Variants in PLPP1 observed in about 807,000 individuals in gnomAD.
PLPP1 encodes phospholipid phosphatase 1.
Under a neutral mutation model 31.2 loss-of-function variants are expected in PLPP1, and 24 were observed. The observed-to-expected ratio is 0.77, with a 90% CI of 0.56 to 1.08. PLPP1 has a LOEUF of 1.08. Among genes scored for constraint, PLPP1 ranks in the 50% least tolerant of loss-of-function variants. The pLI, the probability that PLPP1 is intolerant of heterozygous loss-of-function variation, is 0.00. For synonymous variants in PLPP1, 146 were observed against 126.3 expected, an observed-to-expected ratio of 1.16 and a Z score of -1.05; for missense variants, 319 against 342.7, an observed-to-expected ratio of 0.93 and a Z score of 0.55.
intron 1 of PLPP1, chr5:55,484,440 T>C (rs1026216197): frequency 6.6e-6 from 1 of 152,098 alleles, no homozygotes; most frequent in Non-Finnish European, 1.5e-5. Flanking sequence ...AAACCCATAT[T>C]AGATGGAAAG....
intron 3 of PLPP1, among the ~76,000 whole-genome samples, chr5:55,446,603 C>CTA (rs927376126): frequency 6.6e-6 from 1 of 152,186 alleles, no homozygotes; most frequent in Non-Finnish European, 1.5e-5. Context: ...CATTAGGACT[C>CTA]TATCTGAGGG....
At chr5:55,467,740 G>T in intron 3 of PLPP1, 129 bp downstream of exon 3, 2 of 1,020,220 alleles carry the variant, frequency 2.0e-6, no homozygotes, top group Non-Finnish European at 1.4e-6. Flanking sequence ...ATTCATACAA[G>T]ATCAAAATTC....
rs544817462 is a variant in PLPP1 at position 55,437,137 on chromosome 5, T to C, written c.549+4714A>G. On this transcript the variant is annotated intron_variant, in intron 4 of 5. Coordinates refer to ENST00000307259, the MANE Select transcript of PLPP1 (RefSeq NM_003711.4). ...CCACCCAGTCTGCTGCAATTGGTTA[T>C]AGCAGCCCAAACTAAGACAGGAAGG... is the stretch of plus-strand genomic sequence containing the variant. 2.6e-5 allele frequency among the ~76,000 whole-genome samples: 4 copies of C among 152,348 alleles called. No homozygotes were observed. In the South Asian group the frequency reaches 6.2e-4, roughly 24 times the overall value.
chr5:55,425,568 G>A (rs1331365348), intron 5 of PLPP1: 1 of 454,848 alleles, frequency 2.2e-6, no homozygotes, highest in African/African-American at 2.0e-5. Flanking sequence ...CTGAATAAAA[G>A]AGTTATTTCT....
chr5:55,428,956 T>C (rs527729812), intron 4 of PLPP1, among the ~76,000 whole-genome samples: 5 of 152,252 alleles, frequency 3.3e-5, no homozygotes, highest in African/African-American at 7.2e-5. Flanking sequence ...CTAGGTGGAA[T>C]TGCCCATTCA....
chr5:55,472,636 CAGAG>C (rs1174820270), intron 2 of PLPP1, among the ~76,000 whole-genome samples: 2 of 113,740 alleles, frequency 1.8e-5, no homozygotes, highest in Non-Finnish European at 3.6e-5. Context: ...AAGAAAGAGA[CAGAG>C]AGAGAGAAAG....
intron 3 of PLPP1, among the ~76,000 whole-genome samples, chr5:55,463,436 T>C (rs1464362735): frequency 6.6e-6 from 1 of 151,302 alleles, no homozygotes; most frequent in Non-Finnish European, 1.5e-5. Context: ...CTGAGGCGAG[T>C]AGATCACTTG....
chr5:55,468,798 C>T (rs183824630), intron 2 of PLPP1, among the ~76,000 whole-genome samples: 96 of 152,136 alleles, frequency 6.3e-4, no homozygotes, highest in African/African-American at 2.2e-3. Context: ...AGCAAGACTC[C>T]GTCTCAATAA....
intron 1 of PLPP1, among the ~76,000 whole-genome samples, chr5:55,507,625 A>T (rs995912521): frequency 6.6e-6 from 1 of 152,194 alleles, no homozygotes. Flanking sequence ...TTTAAAAGGT[A>T]AATATTATTG....
chr5:55,467,812 A>G, intron 3 of PLPP1, 57 bp downstream of exon 3: 2 of 1,506,448 alleles, frequency 1.3e-6, no homozygotes, highest in Non-Finnish European at 8.9e-7. Context: ...CAGTCACTGA[A>G]ACCTTCTATT....
At chr5:55,522,875 C>T (rs573018901) in intron 1 of PLPP1, among the ~76,000 whole-genome samples, 27 of 152,206 alleles carry the variant, frequency 1.8e-4, no homozygotes, top group South Asian at 4.1e-4. Context: ...CCCGCCACCA[C>T]GCCCAGCTAA....
At chr5:55,436,350 T>A (rs1427973586) in intron 4 of PLPP1, among the ~76,000 whole-genome samples, 18 of 152,110 alleles carry the variant, frequency 1.2e-4, no homozygotes. Context: ...ATGCTGTTCT[T>A]GTGATAGTAA....
chr5:55,482,450 A>T (rs1354918344), intron 1 of PLPP1, among the ~76,000 whole-genome samples: 1 of 152,206 alleles, frequency 6.6e-6, no homozygotes, highest in Non-Finnish European at 1.5e-5. Context: ...ACCTCAAGTT[A>T]TTAAACACCT....
At chr5:55,439,583 T>TTGA (rs1252555056) in intron 4 of PLPP1, among the ~76,000 whole-genome samples, 3 of 152,188 alleles carry the variant, frequency 2.0e-5, no homozygotes, top group Non-Finnish European at 4.4e-5. Context: ...CACACTATGG[T>TTGA]TGACATCATT....
intron 3 of PLPP1, among the ~76,000 whole-genome samples, chr5:55,453,159 G>A (rs1751929601): frequency 6.6e-6 from 1 of 152,068 alleles, no homozygotes; most frequent in Non-Finnish European, 1.5e-5. Flanking sequence ...CCACCCACAT[G>A]CATCGAGTAT....
At chr5:55,475,739 T>C (rs1202980425) in intron 1 of PLPP1, among the ~76,000 whole-genome samples, 1 of 152,248 alleles carries the variant, frequency 6.6e-6, no homozygotes, top group Non-Finnish European at 1.5e-5. Flanking sequence ...AAATGGATTT[T>C]GGAAAAATCT....
At chr5:55,529,343 T>C (rs35336456) in intron 1 of PLPP1, among the ~76,000 whole-genome samples, 9,290 of 152,188 alleles carry the variant, frequency 0.061, 516 homozygotes, top group African/African-American at 0.13. Context: ...CTCTCATTTA[T>C]ATCTTCTAGA....
chr5:55,461,422 G>A (rs1282244762), intron 3 of PLPP1, among the ~76,000 whole-genome samples: 2 of 151,952 alleles, frequency 1.3e-5, no homozygotes, highest in East Asian at 3.8e-4. Flanking sequence ...AATACTCCAT[G>A]ACTAAGTATA....
chr5:55,461,921 A>G (rs1752174645), intron 3 of PLPP1, among the ~76,000 whole-genome samples: 1 of 152,162 alleles, frequency 6.6e-6, no homozygotes, highest in South Asian at 2.1e-4. Context: ...TACACACTCA[A>G]AACAATTGGA....
Sources: allele counts gnomAD v4.1 joint callset (sites outside exome capture counted in the v4.1 genomes callset), GRCh38; gene constraint gnomAD v4.1.1; transcripts MANE v1.5; gene names NCBI Gene and HGNC (gene_info 2026-07-23, HGNC 2026-07-21).